CIROZ: variants seen among roughly 807,000 people sequenced by gnomAD.
CIROZ encodes ciliated left-right organizer protein containing ZP-N domains.
chr1:10,950,631 G>A, the CIROZ span, among the ~76,000 whole-genome samples: 19 of 152,244 alleles, frequency 1.2e-4, no homozygotes, highest in East Asian at 1.9e-4. Context: ...CCTGGCCTCC[G>A]CCCACCAGAT....
the CIROZ span, chr1:10,948,903 C>T: frequency 8.7e-3 from 12,416 of 1,421,484 alleles, 561 homozygotes; most frequent in African/African-American, 0.11. Context: ...ACATGGGCTC[C>T]GGCTGCCCTG....
the CIROZ span, among the ~76,000 whole-genome samples, chr1:10,967,033 G>C: frequency 6.6e-6 from 1 of 151,486 alleles, no homozygotes; most frequent in Non-Finnish European, 1.5e-5. Flanking sequence ...CCTGTAATTC[G>C]AGCTACTTGG....
At chr1:10,966,298 C>T in the CIROZ span, 5 of 1,454,648 alleles carry the variant, frequency 3.4e-6, no homozygotes, top group Non-Finnish European at 4.5e-6. Context: ...TATCTGAGCT[C>T]AGGCTTAGCT....
At chr1:10,973,100 C>T in the CIROZ span, among the ~76,000 whole-genome samples, 5,849 of 152,184 alleles carry the variant, frequency 0.038, 376 homozygotes, top group African/African-American at 0.13. Flanking sequence ...AGGCCAGGTG[C>T]AGTGGCTCAC....
chr1:10,971,536 G>A, the CIROZ span, among the ~76,000 whole-genome samples: 7 of 152,036 alleles, frequency 4.6e-5, no homozygotes, highest in African/African-American at 1.4e-4. Flanking sequence ...AACTCTTCAT[G>A]TGGCTAGCTC....
At chr1:10,960,438 C>T in the CIROZ span, among the ~76,000 whole-genome samples, 3 of 151,998 alleles carry the variant, frequency 2.0e-5, no homozygotes, top group Admixed American at 2.0e-4. The surrounding 1 kb of genome is among the most constrained non-coding windows in gnomAD (Gnocchi z 4.6). Context: ...GAAGGGAAGA[C>T]GTGACAAGTA....
the CIROZ span, among the ~76,000 whole-genome samples, chr1:10,977,961 G>A: frequency 3.9e-5 from 6 of 152,148 alleles, no homozygotes; most frequent in Admixed American, 2.6e-4. Flanking sequence ...CTGAGGTCAG[G>A]AGTTTAAGAC....
At chr1:10,977,885 T>G in the CIROZ span, among the ~76,000 whole-genome samples, 3 of 152,034 alleles carry the variant, frequency 2.0e-5, no homozygotes, top group African/African-American at 4.8e-5. Context: ...AAATTTCTGT[T>G]TTTGCCAGGC....
At chr1:10,958,837 G>C in the CIROZ span, 1 of 1,415,786 alleles carries the variant, frequency 7.1e-7, no homozygotes, top group Non-Finnish European at 9.9e-7. Flanking sequence ...ATCAGCACCG[G>C]CAATTACCCC....
the CIROZ span, among the ~76,000 whole-genome samples, chr1:10,960,540 C>A: frequency 6.6e-6 from 1 of 152,262 alleles, no homozygotes; most frequent in South Asian, 2.1e-4. This position sits in a 1 kb window ranked among gnomAD's most constrained non-coding sequence, Gnocchi z 4.6. Context: ...GCAGCCTTCA[C>A]TGGGAGCAAT....
At chr1:10,949,087 G>T in the CIROZ span, 2 of 358,002 alleles carry the variant, frequency 5.6e-6, no homozygotes, top group Non-Finnish European at 1.0e-5. Flanking sequence ...AGCCAGGTGT[G>T]GTGGCGTGGG....
the CIROZ span, among the ~76,000 whole-genome samples, chr1:10,975,101 G>A: frequency 2.4e-4 from 36 of 152,008 alleles, no homozygotes; most frequent in African/African-American, 8.4e-4. Flanking sequence ...ATGAAACCCC[G>A]CCTCTACTAA....
the CIROZ span, chr1:10,981,971 T>C: frequency 1.4e-5 from 22 of 1,536,914 alleles, no homozygotes; most frequent in Non-Finnish European, 1.8e-5. Flanking sequence ...ACACTAAGCA[T>C]GCCACTGGCT....
the CIROZ span, among the ~76,000 whole-genome samples, chr1:10,951,729 T>TAAAA: frequency 1.7e-3 from 184 of 110,096 alleles, 3 homozygotes; most frequent in African/African-American, 7.6e-3. Context: ...TGTCTCTTAT[T>TAAAA]TAAAAAAAAA....
chr1:10,954,026 C>G, the CIROZ span: 1 of 1,611,744 alleles, frequency 6.2e-7, no homozygotes, highest in Non-Finnish European at 8.5e-7. Flanking sequence ...CACCCACACA[C>G]TGGAAGAAGC....
the CIROZ span, among the ~76,000 whole-genome samples, chr1:10,979,098 T>G: frequency 6.6e-6 from 1 of 152,114 alleles, no homozygotes; most frequent in South Asian, 2.1e-4. Flanking sequence ...TTTAAGTGAT[T>G]CTCGTGCCTC....
the CIROZ span, among the ~76,000 whole-genome samples, chr1:10,973,740 T>C: frequency 0.34 from 52,164 of 151,936 alleles, 11,444 homozygotes; most frequent in African/African-American, 0.63. Context: ...CAGCTGCAGA[T>C]CCAGGCCTCC....
the CIROZ span, chr1:10,953,907 G>A: frequency 1.0e-5 from 15 of 1,441,068 alleles, no homozygotes; most frequent in Non-Finnish European, 1.3e-5. Flanking sequence ...GATCTGTCGG[G>A]TCCAGGGAGT....
chr1:10,981,897 C>G, the CIROZ span: 1 of 1,350,120 alleles, frequency 7.4e-7, no homozygotes, highest in Non-Finnish European at 1.0e-6. Context: ...TGGCCCCCTT[C>G]CCTCTTAGAT....
Sources: allele counts gnomAD v4.1 joint callset (sites outside exome capture counted in the v4.1 genomes callset), GRCh38; gene constraint gnomAD v4.1.1; non-coding constraint Gnocchi (gnomAD v3.1); transcripts MANE v1.5; gene names NCBI Gene and HGNC (gene_info 2026-07-23, HGNC 2026-07-21).